The following DCHS2 variants were observed in gnomAD, a reference collection of about 807,000 sequenced individuals.
DCHS2 encodes dachsous cadherin-related 2, also known as protocadherin-23.
In DCHS2, 142 loss-of-function variants were observed where a neutral mutation model predicts 182.4. The ratio of observed to expected loss-of-function variants is 0.78; its 90% CI spans 0.68 to 0.89. DCHS2 has a LOEUF of 0.89. DCHS2 is among the 40% of genes least tolerant of loss of function. DCHS2 has a pLI of 0.00. For synonymous variants in DCHS2, 1,740 were observed against 1,663.3 expected, an observed-to-expected ratio of 1.05 and a Z score of -1.12; for missense variants, 4,319 against 4,198.6, an observed-to-expected ratio of 1.03 and a Z score of -0.79.
chr4:154,402,120 A>G (rs1008810659), intron 1 of DCHS2, among the ~76,000 whole-genome samples: 7 of 152,186 alleles, frequency 4.6e-5, no homozygotes, highest in Non-Finnish European at 8.8e-5. Context: ...CAGATGTCCA[A>G]TCATTCCAGA....
chr4:154,306,073 A>C (rs903479120), intron 10 of DCHS2, among the ~76,000 whole-genome samples: 3 of 152,170 alleles, frequency 2.0e-5, no homozygotes, highest in Non-Finnish European at 4.4e-5. Context: ...CTTCAATTAC[A>C]AATTTCCATC....
intron 12 of DCHS2, among the ~76,000 whole-genome samples, chr4:154,303,530 C>G (rs1735304256): frequency 7.0e-6 from 1 of 142,512 alleles, no homozygotes; most frequent in African/African-American, 2.6e-5. Flanking sequence ...CAGAGACTAG[C>G]AGAAGGACCC....
At chr4:154,412,701 G>A (rs369982534) in intron 1 of DCHS2, among the ~76,000 whole-genome samples, 134 of 152,224 alleles carry the variant, frequency 8.8e-4, no homozygotes, top group Non-Finnish European at 1.6e-3. Context: ...CTTTTCATAC[G>A]TTCTTCCTAA....
At chr4:154,311,777 A>ATACATT (rs1192144341) in intron 10 of DCHS2, among the ~76,000 whole-genome samples, 13 of 152,180 alleles carry the variant, frequency 8.5e-5, no homozygotes, top group Non-Finnish European at 2.9e-5. Context: ...CCTGGAATAA[A>ATACATT]TGTATTAATA....
intron 1 of DCHS2, among the ~76,000 whole-genome samples, chr4:154,441,708 A>G (rs1167787137): frequency 6.8e-6 from 1 of 147,728 alleles, no homozygotes; most frequent in Admixed American, 7.0e-5. Context: ...TTTGTACTGA[A>G]TGAGCTACGT....
At chr4:154,400,088 G>A (rs1404795055) in intron 1 of DCHS2, among the ~76,000 whole-genome samples, 1 of 152,094 alleles carries the variant, frequency 6.6e-6, no homozygotes, top group East Asian at 1.9e-4. Flanking sequence ...CGGATCACGA[G>A]GTCAGGAGAT....
chr4:154,318,200 TTA>T (rs1014085226), intron 9 of DCHS2, among the ~76,000 whole-genome samples: 1 of 151,376 alleles, frequency 6.6e-6, no homozygotes, highest in Admixed American at 6.6e-5. Flanking sequence ...TGTGTCTATT[TTA>T]TATATATATG....
At position 154,235,120 on chromosome 4, in the gene DCHS2, C is replaced by G. The variant is rs1731395566; in HGVS notation, c.9532G>C (p.Ala3178Pro). ...GTCTGGGGTAACACATTATTTTGAG[C>G]ACAGGTGGTGCTGCAGCCTTCCCCT... Reference protein sequence around the residue: ...DQGEGCSTTCAQNNVLPQTVQ... With the variant: ...DQGEGCSTTCPQNNVLPQTVQ... The change falls in exon 20 of 20, where the codon GCT (alanine) becomes CCT (proline). Residue 3178 changes from alanine to proline, a missense_variant. Coordinates refer to ENST00000357232, the MANE Select transcript of DCHS2 (RefSeq NM_001358235.2). 1 of 1,613,964 alleles carries G rather than the reference C, an allele frequency of 6.2e-7. No homozygotes were observed. Among genetic ancestry groups the G allele is most frequent in the Non-Finnish European group, 8.5e-7 (1 of 1,179,958 alleles).
chr4:154,366,513 G>A (rs1190263017), intron 2 of DCHS2, 72 bp from the exon 3 acceptor site: 3 of 994,092 alleles, frequency 3.0e-6, no homozygotes, highest in African/African-American at 1.6e-5. Context: ...ATTGACAATG[G>A]CCCTACAATA....
At chr4:154,346,168 AG>A (rs1484239697) in intron 3 of DCHS2, among the ~76,000 whole-genome samples, 2 of 152,198 alleles carry the variant, frequency 1.3e-5, no homozygotes, top group Admixed American at 1.3e-4. Flanking sequence ...ATTAGGGGTG[AG>A]GGTTTCAACA....
chr4:154,332,763 C>G lies in DCHS2; in HGVS notation c.3445G>C (p.Asp1149His). ...TGWIYLRRQF[D>H]YESTQTYNFR... Reference sequence around the variant, plus strand: ...TTATATGTTTGGGTGGATTCATAGTCAAACTGTCGCCGCAAATAAATCCAG... The same window carrying G: ...TTATATGTTTGGGTGGATTCATAGTGAAACTGTCGCCGCAAATAAATCCAG... The change falls in exon 5 of 20, where the codon GAC (aspartate) becomes CAC (histidine). Residue 1149 changes from aspartate (D) to histidine (H), a missense_variant. Transcript: ENST00000357232. 6.2e-7 allele frequency: 1 copy of G among 1,614,194 alleles called. No homozygotes were observed. Among genetic ancestry groups the G allele is most frequent in the Non-Finnish European group, 8.5e-7 (1 of 1,180,040 alleles).
At chr4:154,318,238 T>A (rs1735931463) in intron 9 of DCHS2, among the ~76,000 whole-genome samples, 2 of 151,100 alleles carry the variant, frequency 1.3e-5, no homozygotes, top group South Asian at 4.1e-4. Context: ...GTTATATAAG[T>A]ATATACATAT....
intron 2 of DCHS2, among the ~76,000 whole-genome samples, chr4:154,376,593 G>A (rs1730911651): frequency 6.6e-6 from 1 of 152,078 alleles, no homozygotes; most frequent in Admixed American, 6.6e-5. Context: ...AATGCAAAAG[G>A]AATAATAGAA....
Position 154,491,669 on chromosome 4 carries a change from G to C in DCHS2, c.-314C>G. 8.4e-7 allele frequency: 1 copy of C among 1,190,140 alleles called. No homozygotes were observed. The highest frequency in any genetic ancestry group is 1.0e-6 in the Non-Finnish European group (1 of 962,650). The allele number at this position is 1,190,140 out of a possible 1,614,324, so 73.7% of individuals were successfully genotyped here. On this transcript the variant is annotated 5_prime_UTR_variant, in exon 1 of 20. Transcript: ENST00000357232. ...TTTATTCCCTTTACATCTGTTCCTT[G>C]TTCTACTCGGCTGGTTGTTCCCCCC...
chr4:154,253,140 T>G (rs958307324), intron 16 of DCHS2, among the ~76,000 whole-genome samples: 10 of 149,242 alleles, frequency 6.7e-5, no homozygotes, highest in Non-Finnish European at 1.0e-4. Flanking sequence ...AGGAAGGAGG[T>G]TTAAAATAAT....
intron 15 of DCHS2, among the ~76,000 whole-genome samples, chr4:154,255,999 A>C (rs956725078): frequency 6.6e-6 from 1 of 152,210 alleles, no homozygotes; most frequent in African/African-American, 2.4e-5. Flanking sequence ...GTGTATATGA[A>C]TTCATGCTAG....
At chr4:154,327,707 T>G (rs74539058) in intron 7 of DCHS2, among the ~76,000 whole-genome samples, 4,194 of 152,228 alleles carry the variant, frequency 0.028, 177 homozygotes, top group African/African-American at 0.094. Context: ...ACCTTACAAG[T>G]ATTCAGTCTT....
intron 1 of DCHS2, among the ~76,000 whole-genome samples, chr4:154,424,114 G>T (rs575729310): frequency 6.6e-6 from 1 of 152,088 alleles, no homozygotes; most frequent in South Asian, 2.1e-4. Flanking sequence ...ACATAACAAG[G>T]TTTCATTGCT....
chr4:154,298,516 AAAG>A lies in DCHS2; in HGVS notation c.5795_5797del (p.Ser1932del). On this transcript the variant is annotated inframe_deletion, in exon 13 of 20. Coordinates refer to ENST00000357232, the MANE Select transcript of DCHS2 (RefSeq NM_001358235.2). Reference sequence around the variant, plus strand: ...AGAGGACTGGTAATAAAGTGTGGGAAAAGAAGGACTGTGGTCATTGGCATCCAA... The same window carrying A: ...AGAGGACTGGTAATAAAGTGTGGGAAAAGGACTGTGGTCATTGGCATCCAA... 2 of 1,614,158 alleles carry A rather than the reference AAAG, an allele frequency of 1.2e-6. No homozygotes were observed. The highest frequency in any genetic ancestry group is 1.7e-6 in the Non-Finnish European group (2 of 1,179,996).
Sources: gnomAD v4.1 joint callset for allele counts (sites outside exome capture counted in the v4.1 genomes callset) on GRCh38, gnomAD v4.1.1 for gene constraint, MANE v1.5 for transcripts, NCBI Gene and HGNC (gene_info 2026-07-23, HGNC 2026-07-21) for gene names.